The following MAP1B variants were observed in gnomAD, a reference collection of about 807,000 sequenced individuals.
The protein encoded by MAP1B is microtubule associated protein 1B, also known as microtubule-associated protein 1B.
A neutral mutation model predicts 176.1 loss-of-function variants in MAP1B; 12 were observed. That is an observed-to-expected ratio of 0.07 (90% CI 0.04 to 0.11). The LOEUF is 0.11. Among genes scored for constraint, MAP1B ranks in the 10% least tolerant of loss-of-function variants. The pLI, the probability that MAP1B is intolerant of heterozygous loss-of-function variation, is 1.00. For missense variants in MAP1B, 2,523 were observed against 2,990.5 expected (o/e 0.84, Z 3.65); for synonymous variants, 1,044 against 1,135.0 (o/e 0.92, Z 1.61).
At position 72,195,943 on chromosome 5, in the gene MAP1B, A is replaced by G. The variant is rs370382775; in HGVS notation, c.2588A>G (p.Asp863Gly). The change falls in exon 5 of 7, where the codon GAC becomes GGC. Residue 863 changes from aspartate to glycine, a missense_variant. Asp to Gly is a moderately conservative substitution (Grantham distance 94, BLOSUM62 -1). Coordinates refer to ENST00000296755, the MANE Select transcript of MAP1B (RefSeq NM_005909.5). ...DIKPQLELIEDEEKLKETEPV... is the reference protein window; with the variant it reads ...DIKPQLELIEGEEKLKETEPV... ...AAGCCTCAGCTGGAGCTAATCGAAG[A>G]CGAAGAGAAACTGAAGGAAACTGAG... The G allele has an allele frequency of 1.9e-6, 3 of 1,614,100 alleles. No individual in the cohort carries two copies. Among genetic ancestry groups the G allele is most frequent in the African/African-American group, 1.3e-5 (1 of 74,940 alleles).
chr5:72,112,452 TCTC>T (rs1745360306), intron 1 of MAP1B, among the ~76,000 whole-genome samples: 1 of 152,102 alleles, frequency 6.6e-6, no homozygotes, highest in African/African-American at 2.4e-5. Flanking sequence ...GTACCTGACT[TCTC>T]CTCATTTTTC....
At chr5:72,182,907 T>C (rs1257672613) in intron 2 of MAP1B, among the ~76,000 whole-genome samples, 1 of 152,148 alleles carries the variant, frequency 6.6e-6, no homozygotes, top group South Asian at 2.1e-4. Context: ...TTCATCCCAT[T>C]GTCCAGGGAG....
intron 2 of MAP1B, among the ~76,000 whole-genome samples, chr5:72,167,897 C>A (rs1580004634): frequency 6.6e-6 from 1 of 152,114 alleles, no homozygotes. Context: ...TTTTTCAGAA[C>A]GATGTAGATA....
In MAP1B at chr5:72,204,599, T is replaced by C. The variant is rs1002886149; in HGVS notation, c.7252-485T>C. On this transcript the variant is annotated intron_variant, in intron 6 of 6. Coordinates refer to ENST00000296755, the MANE Select transcript of MAP1B (RefSeq NM_005909.5). The surrounding 1 kb of genome is among the most constrained non-coding windows in gnomAD (Gnocchi z 4.4). ...AATTTATACTATTCAGGACATTACT[T>C]ACCCACCCCATACCTCCATCCCCAA... 6.6e-6 allele frequency among the ~76,000 whole-genome samples: 1 copy of C among 152,222 alleles called. No homozygotes were observed. The highest frequency in any genetic ancestry group is 1.5e-5 in the Non-Finnish European group (1 of 68,030).
intron 4 of MAP1B, chr5:72,193,164 A>G (rs545354516): frequency 2.2e-4 from 57 of 256,076 alleles, no homozygotes; most frequent in South Asian, 2.2e-3. Context: ...TCATGTTTCA[A>G]TCAGCGTGCA....
chr5:72,177,800 T>C (rs1177553352), intron 2 of MAP1B, among the ~76,000 whole-genome samples: 23 of 152,140 alleles, frequency 1.5e-4, no homozygotes, highest in Admixed American at 1.5e-3. Context: ...TTAGCTAAAT[T>C]TTACTCTCAA....
At chr5:72,150,366 G>A (rs1414468224) in intron 2 of MAP1B, among the ~76,000 whole-genome samples, 3 of 152,140 alleles carry the variant, frequency 2.0e-5, no homozygotes, top group Admixed American at 6.5e-5. Flanking sequence ...AAGCATCACC[G>A]ACTGGCTGCA....
Position 72,208,078 on chromosome 5 carries a change from G to T in MAP1B, c.*2839G>T, listed in dbSNP as rs547137497. 2.4e-5 allele frequency: 2 copies of T among 82,808 alleles called. No individual in the cohort carries two copies. Among genetic ancestry groups the T allele is most frequent in the Admixed American group, 9.9e-5 (1 of 10,108 alleles). The allele number at this position is 82,808 out of a possible 1,614,324, so 5.1% of individuals were successfully genotyped here. A position where few individuals can be genotyped will look rare whatever the true frequency, so the allele number is the denominator to read the frequency against. ...CTATCAGTACCTTTCTCCATCCGTT[G>T]TTCTCAATATGACCACAGAGCCTGA... is the stretch of plus-strand genomic sequence containing the variant. On this transcript the variant is annotated 3_prime_UTR_variant, in exon 7 of 7. Coordinates refer to ENST00000296755, the MANE Select transcript of MAP1B (RefSeq NM_005909.5).
chr5:72,160,102 T>A (rs540235656), intron 2 of MAP1B, among the ~76,000 whole-genome samples: 8 of 152,166 alleles, frequency 5.3e-5, no homozygotes, highest in Non-Finnish European at 1.2e-4. Context: ...TTCCCCTTTT[T>A]TTGTATTTCC....
At chr5:72,114,716 G>A (rs1246115152) in intron 1 of MAP1B, among the ~76,000 whole-genome samples, 1 of 152,190 alleles carries the variant, frequency 6.6e-6, no homozygotes, top group East Asian at 1.9e-4. Context: ...TTCCCTCTGG[G>A]CCATCCCCTT....
rs551155590 is a variant in MAP1B at position 72,199,509 on chromosome 5, C to T, written c.6154C>T (p.Pro2052Ser). The stretch of plus-strand genomic sequence containing the variant: ...GACTGCAGAGAAAATCACTAGAACC[C>T]CTCAGGCATCCACATATTCCTACGA... ...YETAEKITRT[P>S]QASTYSYETS... Residue 2052 changes from proline (P) to serine (S), a missense_variant, in exon 5 of 7, where the codon CCT becomes TCT. By Grantham distance (74) the Pro-to-Ser change is moderately conservative. Coordinates refer to ENST00000296755, the MANE Select transcript of MAP1B (RefSeq NM_005909.5). This position sits in a 1 kb window ranked among gnomAD's most constrained non-coding sequence, Gnocchi z 4.2. The T allele has an allele frequency of 6.2e-7, 1 of 1,614,170 alleles. No homozygotes were observed. The highest frequency in any genetic ancestry group is 2.2e-5 in the East Asian group (1 of 44,872).
Position 72,198,581 on chromosome 5 carries a change from T to C in MAP1B, c.5226T>C (p.Ala1742=). Residue 1742 remains alanine, a synonymous_variant, in exon 5 of 7, where the codon GCT becomes GCC. Transcript: ENST00000296755. ...TSSAHTPSQI[A]SPLQEDTLSD... is the part of the protein sequence containing the mutation. ...CTGCTCATACCCCTTCTCAGATCGC[T>C]TCTCCTCTCCAAGAAGATACTCTAT... 2 of 1,614,130 alleles carry C rather than the reference T, an allele frequency of 1.2e-6. No homozygotes were observed. Among genetic ancestry groups the C allele is most frequent in the Non-Finnish European group, 8.5e-7 (1 of 1,180,044 alleles).
chr5:72,193,516 A>G lies in MAP1B; in HGVS notation c.511-350A>G, dbSNP rs546755966. On this transcript the variant is annotated intron_variant, in intron 4 of 6. Transcript: ENST00000296755. Reference sequence around the variant, plus strand: ...AGTGTTTCATAACCACTGCAGCACAATCCTCAGTTGCCCAGGTGGTCACTG... The same window carrying G: ...AGTGTTTCATAACCACTGCAGCACAGTCCTCAGTTGCCCAGGTGGTCACTG... Among the ~76,000 whole-genome samples, 21 of 152,276 alleles carry G rather than the reference A, an allele frequency of 1.4e-4. No individual in the cohort carries two copies. In the East Asian group the frequency reaches 3.9e-3, roughly 28 times the overall value.
At position 72,186,892 on chromosome 5, in the gene MAP1B, A is replaced by C. The variant is rs934855929; in HGVS notation, c.510+138A>C. ...TGAAATAAGCAAAACTGCATGATCCAAAATACTTTATTTCTATGGCTCATT... is the reference window on the plus strand; with the variant it reads ...TGAAATAAGCAAAACTGCATGATCCCAAATACTTTATTTCTATGGCTCATT... On this transcript the variant is annotated intron_variant, in intron 4 of 6. Coordinates refer to ENST00000296755, the MANE Select transcript of MAP1B (RefSeq NM_005909.5). The surrounding 1 kb of genome is among the most constrained non-coding windows in gnomAD (Gnocchi z 4.3). 2 of 939,364 alleles carry C rather than the reference A, an allele frequency of 2.1e-6. No individual in the cohort carries two copies. The highest frequency in any genetic ancestry group is 3.3e-5 in the African/African-American group (2 of 60,764). 58.2% of individuals were successfully genotyped at this position (939,364 alleles called of 1,614,324 possible).
At chr5:72,139,869 A>G (rs1318889010) in intron 2 of MAP1B, among the ~76,000 whole-genome samples, 2 of 152,178 alleles carry the variant, frequency 1.3e-5, no homozygotes, top group Non-Finnish European at 2.9e-5. Context: ...TATCCTGTAC[A>G]CCTGATACAT....
In MAP1B at chr5:72,203,597, T is replaced by C. The variant is rs1354781457; in HGVS notation, c.7047T>C (p.Ala2349=). The change falls in exon 6 of 7, where the codon GCT becomes GCC. Residue 2349 remains alanine (A), a synonymous_variant. Coordinates refer to ENST00000296755, the MANE Select transcript of MAP1B (RefSeq NM_005909.5). ...CTACCAAGACGACCAAGTCATCTGCTGTGCCCCCAGGCCTCCCTGTGTATT... is the reference window on the plus strand; with the variant it reads ...CTACCAAGACGACCAAGTCATCTGCCGTGCCCCCAGGCCTCCCTGTGTATT... ...PGTTKTTKSS[A]VPPGLPVYLD... 6.2e-7 allele frequency: 1 copy of C among 1,614,192 alleles called. No individual in the cohort carries two copies. Among genetic ancestry groups the C allele is most frequent in the South Asian group, 1.1e-5 (1 of 91,080 alleles).
intron 2 of MAP1B, among the ~76,000 whole-genome samples, chr5:72,160,149 G>A (rs946880120): frequency 4.0e-5 from 6 of 151,264 alleles, no homozygotes; most frequent in Admixed American, 4.0e-4. Context: ...TCAGAAGGTA[G>A]GAGGGAGGAT....
At chr5:72,123,106 G>C (rs754625866) in intron 2 of MAP1B, among the ~76,000 whole-genome samples, 2 of 152,136 alleles carry the variant, frequency 1.3e-5, no homozygotes, top group African/African-American at 4.8e-5. Context: ...GAAGAATAAA[G>C]CATAAACTAA....
chr5:72,176,674 G>A (rs1746659611), intron 2 of MAP1B, among the ~76,000 whole-genome samples: 1 of 152,174 alleles, frequency 6.6e-6, no homozygotes, highest in South Asian at 2.1e-4. Flanking sequence ...TATTAGCCTT[G>A]TATTCAGTCA....
Sources: gnomAD v4.1 joint callset for allele counts (sites outside exome capture counted in the v4.1 genomes callset) on GRCh38, gnomAD v4.1.1 for gene constraint, Gnocchi (gnomAD v3.1) non-coding constraint, MANE v1.5 for transcripts, NCBI Gene and HGNC (gene_info 2026-07-23, HGNC 2026-07-21) for gene names.